The following TUT4 variants were observed in gnomAD, a reference collection of about 807,000 sequenced individuals.
TUT4 encodes the protein terminal uridylyltransferase 4.
A neutral mutation model predicts 192.2 loss-of-function variants in TUT4; 36 were observed. The ratio of observed to expected loss-of-function variants is 0.19; its 90% CI spans 0.14 to 0.25. TUT4 has a LOEUF of 0.25. Ranked by LOEUF, TUT4 falls within the 10% of genes least tolerant of loss-of-function variation. The pLI, the probability that TUT4 is intolerant of heterozygous loss-of-function variation, is 1.00. For synonymous variants in TUT4, 618 were observed against 666.0 expected (o/e 0.93, Z 1.11); for missense variants, 1,493 against 1,957.2 (o/e 0.76, Z 4.47).
At chr1:52,540,230 A>G (rs113108972) in intron 1 of TUT4, among the ~76,000 whole-genome samples, 1 of 137,070 alleles carries the variant, frequency 7.3e-6, no homozygotes, top group African/African-American at 2.8e-5. Flanking sequence ...AAAAAAAAAA[A>G]AAATGGCCGG....
chr1:52,495,419 T>C lies in TUT4; in HGVS notation c.1266+8A>G, dbSNP rs766518150. ...AAGAACCACACAGGAAAGATTCTAA[T>C]TACTTACCTTGGGAGGAAATTTTAT... On this transcript the variant is annotated splice_region_variant and intron_variant, in intron 6 of 29. Coordinates refer to ENST00000257177, the MANE Select transcript of TUT4 (RefSeq NM_001009881.3). The C allele has an allele frequency of 6.4e-7, 1 of 1,554,222 alleles. No individual in the cohort carries two copies. The highest frequency in any genetic ancestry group is 1.1e-5 in the South Asian group (1 of 87,452).
intron 3 of TUT4, 51 bp downstream of exon 3, chr1:52,515,838 AAC>A (rs780299984): frequency 7.5e-6 from 12 of 1,606,910 alleles, no homozygotes; most frequent in African/African-American, 6.7e-5. Context: ...ACTTGGGGAA[AAC>A]AGTTATGAAA....
intron 12 of TUT4, among the ~76,000 whole-genome samples, chr1:52,476,477 G>A (rs1667101354): frequency 2.0e-5 from 3 of 152,074 alleles, no homozygotes; most frequent in African/African-American, 4.8e-5. Flanking sequence ...AAAGAACAGT[G>A]CACCAAAAAG....
chr1:52,443,618 C>A (rs1656415520), intron 24 of TUT4, among the ~76,000 whole-genome samples: 1 of 151,814 alleles, frequency 6.6e-6, no homozygotes, highest in South Asian at 2.1e-4. Flanking sequence ...CTACATGGGG[C>A]TGAGCATGGT....
At chr1:52,438,734 G>A (rs918018892) in intron 24 of TUT4, among the ~76,000 whole-genome samples, 6 of 152,156 alleles carry the variant, frequency 3.9e-5, no homozygotes, top group African/African-American at 4.8e-5. Context: ...CATGCTTTCT[G>A]CTATATCGGG....
intron 14 of TUT4, 69 bp from the exon 15 acceptor site, chr1:52,468,336 A>C (rs918727462): frequency 5.5e-5 from 67 of 1,220,172 alleles, no homozygotes; most frequent in Non-Finnish European, 7.0e-5. Context: ...AACATCTTCA[A>C]GTTTTTACCC....
At chr1:52,541,082 T>C (rs892204710) in intron 1 of TUT4, among the ~76,000 whole-genome samples, 1 of 151,928 alleles carries the variant, frequency 6.6e-6, no homozygotes, top group Admixed American at 6.6e-5. Flanking sequence ...GGTGTACACC[T>C]GTAATCTCAA....
intron 1 of TUT4, among the ~76,000 whole-genome samples, chr1:52,539,240 T>A (rs17373654): frequency 1.3e-5 from 2 of 152,092 alleles, no homozygotes; most frequent in African/African-American, 2.4e-5. Flanking sequence ...TCAAGGAAAG[T>A]AGAGTTGAAT....
intron 9 of TUT4, among the ~76,000 whole-genome samples, chr1:52,485,890 T>C (rs1018871505): frequency 1.4e-4 from 22 of 152,126 alleles, no homozygotes; most frequent in African/African-American, 5.3e-4. Context: ...TTTTAAATCA[T>C]TGTTTTCTTC....
chr1:52,526,312 T>C lies in TUT4; in HGVS notation c.-32A>G, dbSNP rs1681738410. The C allele has an allele frequency of 6.9e-7, 1 of 1,443,470 alleles. No homozygotes were observed. Among genetic ancestry groups the C allele is most frequent in the Non-Finnish European group, 9.0e-7 (1 of 1,105,200 alleles). 89.4% of individuals were successfully genotyped at this position (1,443,470 alleles called of 1,614,324 possible). A position where few individuals can be genotyped will look rare whatever the true frequency, so the allele number is the denominator to read the frequency against. On this transcript the variant is annotated 5_prime_UTR_variant, in exon 2 of 30. The change creates a new upstream start codon in the 5' untranslated region. Coordinates refer to ENST00000257177, the MANE Select transcript of TUT4 (RefSeq NM_001009881.3). ...AAAATCTGTTTCTTTCCAATTGTGA[T>C]ATTATAAAATGGCAGATCTCCAGTA...
chr1:52,533,693 C>A (rs1381239136), intron 1 of TUT4, among the ~76,000 whole-genome samples: 6 of 152,138 alleles, frequency 3.9e-5, no homozygotes, highest in Non-Finnish European at 5.9e-5. Context: ...TGAGGCCAGG[C>A]ACAGTGGCTC....
intron 1 of TUT4, among the ~76,000 whole-genome samples, chr1:52,540,214 G>C (rs1571462719): frequency 2.5e-5 from 3 of 121,522 alleles, no homozygotes; most frequent in African/African-American, 6.3e-5. Context: ...GCGAGACTCT[G>C]TCTCAAAAAA....
intron 11 of TUT4, 68 bp downstream of exon 11, chr1:52,481,355 G>A: frequency 6.6e-7 from 1 of 1,504,442 alleles, no homozygotes; most frequent in Non-Finnish European, 9.2e-7. Flanking sequence ...AATTAAAATA[G>A]CTTCAATCGA....
intron 9 of TUT4, among the ~76,000 whole-genome samples, chr1:52,487,373 G>C (rs532093501): frequency 1.3e-5 from 2 of 152,174 alleles, no homozygotes; most frequent in South Asian, 4.2e-4. Flanking sequence ...GATCGCTTGA[G>C]CCTGGGAGGT....
At chr1:52,484,501 A>G (rs1192431213) in intron 9 of TUT4, among the ~76,000 whole-genome samples, 1 of 152,166 alleles carries the variant, frequency 6.6e-6, no homozygotes, top group African/African-American at 2.4e-5. Context: ...CCTTCTAGGT[A>G]TCCTATCATA....
At chr1:52,438,818 C>T (rs1654591167) in intron 24 of TUT4, among the ~76,000 whole-genome samples, 1 of 152,102 alleles carries the variant, frequency 6.6e-6, no homozygotes, top group Admixed American at 6.6e-5. Context: ...GCCTGTAATC[C>T]CAACACTTTG....
chr1:52,471,906 C>G, intron 14 of TUT4, 46 bp downstream of exon 14: 1 of 1,533,886 alleles, frequency 6.5e-7, no homozygotes, highest in South Asian at 1.3e-5. Context: ...TATTTAATAT[C>G]TAAGAAGGAA....
At chr1:52,451,446 A>G (rs950899907) in intron 20 of TUT4, among the ~76,000 whole-genome samples, 2 of 152,336 alleles carry the variant, frequency 1.3e-5, no homozygotes, top group Non-Finnish European at 2.9e-5. Flanking sequence ...AACAGAAATG[A>G]AAGAGGGGAT....
intron 1 of TUT4, among the ~76,000 whole-genome samples, chr1:52,551,409 A>G (rs1263681247): frequency 6.6e-6 from 1 of 152,058 alleles, no homozygotes; most frequent in African/African-American, 2.4e-5. Flanking sequence ...TTTTAAAAGT[A>G]AGTTTCTTTT....
Sources: allele counts gnomAD v4.1 joint callset (sites outside exome capture counted in the v4.1 genomes callset), GRCh38; gene constraint gnomAD v4.1.1; transcripts MANE v1.5; gene names NCBI Gene and HGNC (gene_info 2026-07-23, HGNC 2026-07-21).